PARK7: variants seen among roughly 807,000 people sequenced by gnomAD.
PARK7 encodes Parkinson disease protein 7.
Under a neutral mutation model 20.5 loss-of-function variants are expected in PARK7, and 14 were observed. The observed-to-expected ratio is 0.68, with a 90% CI of 0.45 to 1.07. The LOEUF is 1.07. PARK7 is among the 50% of genes least tolerant of loss of function. PARK7 has a pLI of 0.00. For missense variants in PARK7, 234 were observed against 238.1 expected (o/e 0.98, Z 0.11); for synonymous variants, 98 against 84.3 (o/e 1.16, Z -0.89).
chr1:7,969,912 C>T (rs1640426915), intron 4 of PARK7, among the ~76,000 whole-genome samples: 1 of 152,156 alleles, frequency 6.6e-6, no homozygotes. Flanking sequence ...CTATGGAGGT[C>T]AGGTGCAGTG....
intron 5 of PARK7, among the ~76,000 whole-genome samples, chr1:7,975,389 G>A (rs1640561440): frequency 6.6e-6 from 1 of 152,178 alleles, no homozygotes; most frequent in Admixed American, 6.5e-5. Flanking sequence ...CTGGAAGCAA[G>A]GTCTTGGCCA....
intron 3 of PARK7, 44 bp downstream of exon 3, chr1:7,965,469 T>C (rs770329763): frequency 1.3e-6 from 2 of 1,542,032 alleles, no homozygotes; most frequent in Non-Finnish European, 1.8e-6. Flanking sequence ...ATGGCTTCTT[T>C]GTTTCTTGAA....
At chr1:7,969,443 G>A (rs767757311) in intron 4 of PARK7, 39 bp downstream of exon 4, 24 of 1,097,546 alleles carry the variant, frequency 2.2e-5, no homozygotes, top group South Asian at 3.8e-5. Flanking sequence ...ATAAAGCTGG[G>A]GGGGGGGAAA....
intron 6 of PARK7, among the ~76,000 whole-genome samples, chr1:7,980,197 G>T (rs1640682328): frequency 6.6e-6 from 1 of 150,656 alleles, no homozygotes; most frequent in Admixed American, 6.6e-5. Context: ...TTTAATAAAA[G>T]TCTCTGGTTT....
chr1:7,981,291 C>T (rs1199403040), intron 6 of PARK7, among the ~76,000 whole-genome samples: 4 of 152,194 alleles, frequency 2.6e-5, no homozygotes, highest in Non-Finnish European at 4.4e-5. Flanking sequence ...CACCTAGCTT[C>T]TGTAACGCCA....
At chr1:7,973,487 C>G (rs1255329246) in intron 5 of PARK7, among the ~76,000 whole-genome samples, 1 of 152,094 alleles carries the variant, frequency 6.6e-6, no homozygotes, top group African/African-American at 2.4e-5. Flanking sequence ...ACAAAAGTAG[C>G]AAAATCACTT....
intron 3 of PARK7, chr1:7,968,976 TTGTC>T (rs1376264523): frequency 5.5e-6 from 1 of 181,012 alleles, no homozygotes; most frequent in Non-Finnish European, 1.2e-5. Flanking sequence ...GTGTCTTCCT[TTGTC>T]TGTGACTACC....
At chr1:7,964,393 A>G (rs113612855) in intron 2 of PARK7, among the ~76,000 whole-genome samples, 2,508 of 152,308 alleles carry the variant, frequency 0.016, 36 homozygotes, top group Non-Finnish European at 0.025. Context: ...GCCTGGCCCC[A>G]GAGTCTGTTA....
intron 1 of PARK7, 87 bp from the exon 2 acceptor site, chr1:7,962,676 T>C (rs1315732898): frequency 3.7e-6 from 3 of 820,410 alleles, no homozygotes; most frequent in Admixed American, 2.4e-5. Flanking sequence ...TTACTCTGCT[T>C]GAAAATGCTC....
intron 5 of PARK7, among the ~76,000 whole-genome samples, chr1:7,975,065 A>G (rs966195502): frequency 6.6e-6 from 1 of 152,042 alleles, no homozygotes; most frequent in Non-Finnish European, 1.5e-5. Flanking sequence ...CATGTTAGCC[A>G]GGCTGGTCTC....
chr1:7,982,597 A>G (rs908876805), intron 6 of PARK7, among the ~76,000 whole-genome samples: 5 of 152,198 alleles, frequency 3.3e-5, no homozygotes, highest in Admixed American at 1.3e-4. Context: ...GCGATGTTTT[A>G]GCCACAAAGA....
intron 4 of PARK7, among the ~76,000 whole-genome samples, chr1:7,969,725 A>T (rs902367803): frequency 6.6e-6 from 1 of 151,924 alleles, no homozygotes; most frequent in African/African-American, 2.4e-5. Context: ...GATTGCAGGC[A>T]TGCACCCCCA....
At chr1:7,970,344 T>G (rs778894473) in intron 4 of PARK7, among the ~76,000 whole-genome samples, 3 of 152,126 alleles carry the variant, frequency 2.0e-5, no homozygotes, top group Non-Finnish European at 2.9e-5. Flanking sequence ...GAAGGGCAAA[T>G]TGTCTACTCA....
At chr1:7,963,157 G>A (rs1046479567) in intron 2 of PARK7, among the ~76,000 whole-genome samples, 1 of 152,026 alleles carries the variant, frequency 6.6e-6, no homozygotes, top group Non-Finnish European at 1.5e-5. Context: ...TCTGCCTCCT[G>A]GGCCCAAACC....
intron 5 of PARK7, among the ~76,000 whole-genome samples, chr1:7,972,776 C>T (rs913338278): frequency 2.0e-5 from 3 of 150,512 alleles, no homozygotes; most frequent in Admixed American, 6.6e-5. Flanking sequence ...TGGTGGTGCA[C>T]GCCTGTAATC....
At position 7,970,891 on chromosome 1, in the gene PARK7, T is replaced by C. The variant is rs1256816673; in HGVS notation, c.253-3T>C. 4 of 1,614,116 alleles carry C rather than the reference T, an allele frequency of 2.5e-6. No individual in the cohort carries two copies. The South Asian group carries it at 4.4e-5, about 18-fold the overall frequency. ...TATGTATTTTTGGTTTTCTTTTCAC[T>C]AGTCTGCTGCTGTGAAGGAGATACT... is the stretch of plus-strand genomic sequence containing the variant. On this transcript the variant is annotated splice_region_variant and splice_polypyrimidine_tract_variant and intron_variant, in intron 4 of 6. Transcript: ENST00000338639.
intron 3 of PARK7, 102 bp from the exon 4 acceptor site, chr1:7,969,243 G>A: frequency 1.1e-6 from 1 of 922,256 alleles, no homozygotes; most frequent in East Asian, 2.5e-5. Context: ...GCTATCTCCT[G>A]TACTTCCCAC....
At chr1:7,974,358 G>A (rs749528094) in intron 5 of PARK7, among the ~76,000 whole-genome samples, 2 of 151,968 alleles carry the variant, frequency 1.3e-5, no homozygotes, top group Admixed American at 6.6e-5. Flanking sequence ...GGCCAAGGGC[G>A]GTGGCTCACA....
chr1:7,984,745 T>TAAG lies in PARK7; in HGVS notation c.410-147_410-145dup. 1 of 924,232 alleles carries TAAG rather than the reference T, an allele frequency of 1.1e-6. No homozygotes were observed. Among genetic ancestry groups the TAAG allele is most frequent in the Non-Finnish European group, 1.7e-6 (1 of 586,054 alleles). 57.3% of individuals were successfully genotyped at this position (924,232 alleles called of 1,614,324 possible). ...TAAAAATACCTTTGTAGGGGGCTTC[T>TAAG]AAGAGCTTGGAGTGCCTAGTAAATG... is the stretch of plus-strand genomic sequence containing the variant. On this transcript the variant is annotated intron_variant, in intron 6 of 6. Coordinates refer to ENST00000338639, the MANE Select transcript of PARK7 (RefSeq NM_007262.5). The surrounding 1 kb of genome is among the most constrained non-coding windows in gnomAD (Gnocchi z 4.3).
Sources: gnomAD v4.1 joint callset for allele counts (sites outside exome capture counted in the v4.1 genomes callset) on GRCh38, gnomAD v4.1.1 for gene constraint, Gnocchi (gnomAD v3.1) non-coding constraint, MANE v1.5 for transcripts, NCBI Gene and HGNC (gene_info 2026-07-23, HGNC 2026-07-21) for gene names.